Variants in MAN1A2 observed in about 807,000 individuals in gnomAD.
MAN1A2 encodes the protein mannosidase alpha class 1A member 2, also known as mannosyl-oligosaccharide 1,2-alpha-mannosidase IB.
MAN1A2 carries 26 observed loss-of-function variants against 75.7 expected under a neutral mutation model. The observed-to-expected ratio is 0.34, with a 90% CI of 0.25 to 0.48. The LOEUF (loss-of-function observed/expected upper bound fraction) is 0.48, where lower values mean the gene tolerates loss of function less well. Among genes scored for constraint, MAN1A2 ranks in the 20% least tolerant of loss-of-function variants. The probability of loss-of-function intolerance (pLI) is 0.99; values close to 1 mark genes in which losing one functional copy is unlikely to be tolerated. For missense variants in MAN1A2, 562 were observed against 775.5 expected, an observed-to-expected ratio of 0.72 and a Z score of 3.27; for synonymous variants, 247 against 264.6, an observed-to-expected ratio of 0.93 and a Z score of 0.65.
intron 1 of MAN1A2, among the ~76,000 whole-genome samples, chr1:117,391,950 C>T (rs1435512088): frequency 6.6e-6 from 1 of 152,058 alleles, no homozygotes; most frequent in Non-Finnish European, 1.5e-5. Context: ...TCTAAGGTCT[C>T]TTATATTGGT....
At chr1:117,500,001 A>G (rs1293904840) in intron 11 of MAN1A2, among the ~76,000 whole-genome samples, 1 of 151,806 alleles carries the variant, frequency 6.6e-6, no homozygotes, top group African/African-American at 2.4e-5. Context: ...TCGTATTCAA[A>G]TTGTTTAACT....
intron 5 of MAN1A2, among the ~76,000 whole-genome samples, chr1:117,421,157 G>T (rs1200063202): frequency 1.3e-5 from 2 of 151,996 alleles, no homozygotes; most frequent in South Asian, 4.1e-4. Flanking sequence ...ATGGAGAAGT[G>T]GGTGTAGGAA....
At chr1:117,371,001 C>T (rs1652944044) in intron 1 of MAN1A2, among the ~76,000 whole-genome samples, 1 of 152,074 alleles carries the variant, frequency 6.6e-6, no homozygotes, top group South Asian at 2.1e-4. Flanking sequence ...TTTTAAAACT[C>T]TATATTGTTT....
At chr1:117,472,561 G>A (rs949351219) in intron 8 of MAN1A2, among the ~76,000 whole-genome samples, 1 of 152,010 alleles carries the variant, frequency 6.6e-6, no homozygotes, top group African/African-American at 2.4e-5. Flanking sequence ...ATGATGTGAT[G>A]TAATATAATG....
At chr1:117,469,746 C>T (rs1032847010) in intron 8 of MAN1A2, among the ~76,000 whole-genome samples, 22 of 152,002 alleles carry the variant, frequency 1.4e-4, no homozygotes, top group African/African-American at 5.1e-4. Flanking sequence ...AGATGGTTAA[C>T]ATTAAAATAC....
intron 12 of MAN1A2, among the ~76,000 whole-genome samples, chr1:117,511,317 A>G (rs908116231): frequency 2.0e-5 from 3 of 152,052 alleles, no homozygotes; most frequent in Middle Eastern, 3.2e-3. Flanking sequence ...GAGCCAATCC[A>G]TATCACCATC....
At chr1:117,438,430 C>G (rs777707639) in intron 5 of MAN1A2, among the ~76,000 whole-genome samples, 1 of 152,052 alleles carries the variant, frequency 6.6e-6, no homozygotes, top group Non-Finnish European at 1.5e-5. Flanking sequence ...GGTAAGGTTA[C>G]AGTAAGCCAA....
intron 1 of MAN1A2, among the ~76,000 whole-genome samples, chr1:117,394,048 A>G (rs1401124890): frequency 6.7e-6 from 1 of 150,212 alleles, no homozygotes. Flanking sequence ...TTTTCTATGT[A>G]GAACTCCTAT....
At chr1:117,394,207 G>C (rs1430481402) in intron 1 of MAN1A2, among the ~76,000 whole-genome samples, 1 of 151,658 alleles carries the variant, frequency 6.6e-6, no homozygotes, top group Non-Finnish European at 1.5e-5. Flanking sequence ...TCAGCCTCCT[G>C]AGTAGCTGGG....
intron 5 of MAN1A2, among the ~76,000 whole-genome samples, chr1:117,430,283 T>C (rs866248139): frequency 6.3e-5 from 8 of 126,908 alleles, no homozygotes; most frequent in South Asian, 2.8e-4. Context: ...CCCTCCCGGA[T>C]GGGGCGGCTG....
In MAN1A2 at chr1:117,402,259, T is replaced by C; in HGVS notation, c.376T>C (p.Leu126=). ...EKALEEAKEK[L]RKSREEIRAE... is the part of the protein sequence containing the mutation. ...GGCCTTGGAAGAAGCAAAAGAAAAA[T>C]TAAGAAAGTCAAGAGAGGAAATTCG... The change falls in exon 2 of 13, where the codon TTA becomes CTA. Residue 126 remains leucine, a synonymous_variant. Transcript: ENST00000356554. 2 of 1,613,392 alleles carry C rather than the reference T, an allele frequency of 1.2e-6. No homozygotes were observed. Among genetic ancestry groups the C allele is most frequent in the Non-Finnish European group, 1.7e-6 (2 of 1,179,676 alleles).
chr1:117,370,694 CTTACCTAAT>C (rs1336119129), intron 1 of MAN1A2, among the ~76,000 whole-genome samples: 1 of 151,294 alleles, frequency 6.6e-6, no homozygotes, highest in East Asian at 1.9e-4. Context: ...TGGGTCAGAA[CTTACCTAAT>C]TTAGAAGAAA....
At chr1:117,498,654 T>C (rs1651105947) in intron 10 of MAN1A2, among the ~76,000 whole-genome samples, 1 of 151,896 alleles carries the variant, frequency 6.6e-6, no homozygotes, top group African/African-American at 2.4e-5. Flanking sequence ...CTCTTTGTTA[T>C]GGTAAACCAA....
rs199835104 is a variant in MAN1A2, at chr1:117,402,234, G to A, written c.351G>A (p.Lys117=). 1.1e-5 allele frequency: 18 copies of A among 1,613,544 alleles called. No individual in the cohort carries two copies. The highest frequency in any genetic ancestry group is 1.4e-5 in the Non-Finnish European group (17 of 1,179,696). Residue 117 remains lysine, a synonymous_variant, in exon 2 of 13, where the codon AAG becomes AAA. Transcript: ENST00000356554. ...ATAAAATTCGAGCTGATCATGAGAA[G>A]GCCTTGGAAGAAGCAAAAGAAAAAT... is the stretch of plus-strand genomic sequence containing the variant. ...LRNKIRADHE[K]ALEEAKEKLR...
rs752763770 is a variant in MAN1A2, at chr1:117,405,674, C to A, written c.655+29C>A. 2.6e-6 allele frequency: 3 copies of A among 1,155,558 alleles called. No homozygotes were observed. The South Asian group carries it at 3.8e-5, about 15-fold the overall frequency. The allele number at this position is 1,155,558 out of a possible 1,614,324, so 71.6% of individuals were successfully genotyped here. On this transcript the variant is annotated intron_variant, in intron 3 of 12. Transcript: ENST00000356554. ...AGTTTACTTTTTCTAATTACTATTT[C>A]CATTTTCTACCTCCATCTTTTAAAA...
At chr1:117,492,643 T>C (rs1650919139) in intron 8 of MAN1A2, among the ~76,000 whole-genome samples, 1 of 152,062 alleles carries the variant, frequency 6.6e-6, no homozygotes, top group African/African-American at 2.4e-5. Context: ...GGTGATATTA[T>C]AAAGGAATTC....
At chr1:117,372,908 T>G (rs149091961) in intron 1 of MAN1A2, among the ~76,000 whole-genome samples, 1 of 152,218 alleles carries the variant, frequency 6.6e-6, no homozygotes, top group Non-Finnish European at 1.5e-5. Context: ...ATTGAATACT[T>G]GAGGGTCAGG....
chr1:117,443,612 C>T lies in MAN1A2; in HGVS notation c.950+1287C>T, dbSNP rs192914102. On this transcript the variant is annotated intron_variant, in intron 6 of 12. Transcript: ENST00000356554. Reference sequence around the variant, plus strand: ...TGAAAATCAAGATTAAATTGCAGAACTTCTAATTTAAGATTGAGATTAAAG... The same window carrying T: ...TGAAAATCAAGATTAAATTGCAGAATTTCTAATTTAAGATTGAGATTAAAG... 1.8e-3 allele frequency among the ~76,000 whole-genome samples: 279 copies of T among 152,188 alleles called. 1 individual carries two copies. The highest frequency in any genetic ancestry group is 6.4e-3 in the African/African-American group (267 of 41,526).
intron 12 of MAN1A2, among the ~76,000 whole-genome samples, chr1:117,504,944 A>G (rs145006753): frequency 3.3e-5 from 5 of 151,508 alleles, no homozygotes; most frequent in Admixed American, 3.3e-4. Flanking sequence ...AGTTTAGCCC[A>G]TTATTGGTGA....
Sources: allele counts gnomAD v4.1 joint callset (sites outside exome capture counted in the v4.1 genomes callset), GRCh38; gene constraint gnomAD v4.1.1; transcripts MANE v1.5; gene names NCBI Gene and HGNC (gene_info 2026-07-23, HGNC 2026-07-21).